ADGRL1: variants seen among roughly 807,000 people sequenced by gnomAD.
The protein encoded by ADGRL1 is adhesion G protein-coupled receptor L1.
In ADGRL1, 31 loss-of-function variants were observed where a neutral mutation model predicts 148.9. That is an observed-to-expected ratio of 0.21 (90% CI 0.16 to 0.28). The LOEUF (loss-of-function observed/expected upper bound fraction) is 0.28, where lower values mean the gene tolerates loss of function less well. Among genes scored for constraint, ADGRL1 ranks in the 10% least tolerant of loss-of-function variants. The pLI is 1.00. For synonymous variants in ADGRL1, 937 were observed against 900.3 expected, an observed-to-expected ratio of 1.04 and a Z score of -0.73; for missense variants, 1,521 against 2,058.8, an observed-to-expected ratio of 0.74 and a Z score of 5.05.
At position 14,201,017 on chromosome 19, in the gene ADGRL1, A is replaced by G. The variant is rs376287181; in HGVS notation, c.-96+4968T>C. Among the ~76,000 whole-genome samples the G allele has an allele frequency of 9.9e-5, 15 of 152,204 alleles. No individual in the cohort carries two copies. In the East Asian group the frequency reaches 1.7e-3, roughly 18 times the overall value. ...TCTGGAGACTTTCTGAGGTGTTACG[A>G]CTGTGGGGCTGGAGGTGTCACTGAC... On this transcript the variant is annotated intron_variant, in intron 1 of 22. Coordinates refer to ENST00000361434, the MANE Select transcript of ADGRL1 (RefSeq NM_014921.5).
intron 2 of ADGRL1, 84 bp from the exon 3 acceptor site, chr19:14,177,828 T>C: frequency 7.9e-7 from 1 of 1,273,360 alleles, no homozygotes; most frequent in Non-Finnish European, 1.1e-6. Flanking sequence ...AAACACCACC[T>C]CTGGCTCGGC....
intron 18 of ADGRL1, among the ~76,000 whole-genome samples, chr19:14,153,150 C>T (rs1968384847): frequency 6.6e-6 from 1 of 152,222 alleles, no homozygotes; most frequent in Non-Finnish European, 1.5e-5. Context: ...TCTCCACCTC[C>T]TCTGACAGTT....
intron 1 of ADGRL1, among the ~76,000 whole-genome samples, chr19:14,187,667 G>A (rs1189748005): frequency 1.3e-5 from 2 of 148,604 alleles, no homozygotes; most frequent in South Asian, 2.1e-4. Flanking sequence ...GTGTTACCCC[G>A]CCGCCGCCAC....
Position 14,149,231 on chromosome 19 carries a change from T to C in ADGRL1, c.*1642A>G, listed in dbSNP as rs1967905411. On this transcript the variant is annotated 3_prime_UTR_variant, in exon 23 of 23. Coordinates refer to ENST00000361434, the MANE Select transcript of ADGRL1 (RefSeq NM_014921.5). ...AGCCTGGAGCTTCCGGGGTCTGGGATTTGGGGTCAAGCCGCCCAGAACATG... is the reference window on the plus strand; with the variant it reads ...AGCCTGGAGCTTCCGGGGTCTGGGACTTGGGGTCAAGCCGCCCAGAACATG... 1 of 152,140 alleles carries C rather than the reference T, an allele frequency of 6.6e-6. No individual in the cohort carries two copies. Among genetic ancestry groups the C allele is most frequent in the Non-Finnish European group, 1.5e-5 (1 of 68,072 alleles). The allele number at this position is 152,140 out of a possible 1,614,324, so 9.4% of individuals were successfully genotyped here.
rs1332702427 is a variant in ADGRL1 at position 14,162,990 on chromosome 19, C to T, written c.811G>A (p.Gly271Arg). 13 of 1,613,864 alleles carry T rather than the reference C, an allele frequency of 8.1e-6. No individual in the cohort carries two copies. The highest frequency in any genetic ancestry group is 1.1e-5 in the Non-Finnish European group (13 of 1,179,998). ...TCAGTGGCGTAGATGACCCACAGCC[C>T]GTTCTCGTCCACCGCCAGGTCAATG... ...TDIDLAVDEN[G>R]LWVIYATEGN... The change falls in exon 5 of 23, where the codon GGG becomes AGG. Residue 271 changes from glycine to arginine, a missense_variant. Transcript: ENST00000361434. The surrounding 1 kb of genome is among the most constrained non-coding windows in gnomAD (Gnocchi z 5.4).
In ADGRL1 at chr19:14,150,820, C is replaced by A; in HGVS notation, c.*53G>T. 1.3e-6 allele frequency: 2 copies of A among 1,579,074 alleles called. No individual in the cohort carries two copies. Among genetic ancestry groups the A allele is most frequent in the South Asian group, 1.2e-5 (1 of 86,634 alleles). On this transcript the variant is annotated 3_prime_UTR_variant, in exon 23 of 23. Transcript: ENST00000361434. ...GTCTCCCTCTCCCACCAGAGCCCTGCCCAGGGTTCCCTCCCTGGCCTGGGC... is the reference window on the plus strand; with the variant it reads ...GTCTCCCTCTCCCACCAGAGCCCTGACCAGGGTTCCCTCCCTGGCCTGGGC...
At chr19:14,163,821 G>A (rs12463215) in intron 4 of ADGRL1, among the ~76,000 whole-genome samples, 2 of 151,890 alleles carry the variant, frequency 1.3e-5, no homozygotes, top group Admixed American at 6.5e-5. Context: ...GAATCTCCCC[G>A]CTACAGTCAC....
chr19:14,161,248 A>C lies in ADGRL1; in HGVS notation c.1510+64T>G. The C allele has an allele frequency of 7.0e-7, 1 of 1,427,476 alleles. No homozygotes were observed. Among genetic ancestry groups the C allele is most frequent in the South Asian group, 1.4e-5 (1 of 70,826 alleles). The allele number at this position is 1,427,476 out of a possible 1,614,324, so 88.4% of individuals were successfully genotyped here. A position where few individuals can be genotyped will look rare whatever the true frequency, so the allele number is the denominator to read the frequency against. ...AGTAGAGACCCCCACCCACACATGC[A>C]TCTGTGCTAAGCTGCTGGGGGCATG... On this transcript the variant is annotated intron_variant, in intron 6 of 22. Transcript: ENST00000361434. The surrounding 1 kb of genome is among the most constrained non-coding windows in gnomAD (Gnocchi z 4.4).
intron 1 of ADGRL1, among the ~76,000 whole-genome samples, chr19:14,187,222 C>T (rs1268946292): frequency 2.0e-5 from 3 of 152,106 alleles, no homozygotes; most frequent in African/African-American, 7.2e-5. Flanking sequence ...GCCTGTAATC[C>T]CAGCTACTCG....
chr19:14,180,116 T>C (rs541272813), intron 2 of ADGRL1, among the ~76,000 whole-genome samples: 2 of 152,272 alleles, frequency 1.3e-5, no homozygotes, highest in East Asian at 3.9e-4. Flanking sequence ...GGAGCCTCTA[T>C]GGTTGGCAGT....
At chr19:14,158,178 A>C (rs1040663345) in intron 12 of ADGRL1, 126 bp from the exon 13 acceptor site, 2 of 1,247,162 alleles carry the variant, frequency 1.6e-6, no homozygotes, top group Non-Finnish European at 2.3e-6. Flanking sequence ...CTGGGGCTCC[A>C]GTTGACATTC....
chr19:14,189,176 T>G (rs868498307), intron 1 of ADGRL1, among the ~76,000 whole-genome samples: 17 of 151,864 alleles, frequency 1.1e-4, no homozygotes, highest in African/African-American at 3.9e-4. Context: ...TTACCTATTC[T>G]AGACATTTCA....
rs547657413 is a variant in ADGRL1, at chr19:14,158,994, C to T, written c.2149+96G>A. Reference sequence around the variant, plus strand: ...CACTAGCATGAGAAAAGGTCAGCACCGCTGCCCTCTACAAATGGCACAGAG... The same window carrying T: ...CACTAGCATGAGAAAAGGTCAGCACTGCTGCCCTCTACAAATGGCACAGAG... On this transcript the variant is annotated intron_variant, in intron 11 of 22. Transcript: ENST00000361434. 6.6e-4 allele frequency: 973 copies of T among 1,468,622 alleles called. 13 individuals carry two copies. The South Asian group carries it at 0.011, about 16-fold the overall frequency. 91.0% of individuals were successfully genotyped at this position (1,468,622 alleles called of 1,614,324 possible).
At chr19:14,153,904 T>C (rs1403961789) in intron 18 of ADGRL1, among the ~76,000 whole-genome samples, 3 of 151,284 alleles carry the variant, frequency 2.0e-5, no homozygotes, top group Non-Finnish European at 2.9e-5. Context: ...ATCGCGCCAT[T>C]GCACTCTAGC....
rs976376777 is a variant in ADGRL1, at chr19:14,155,969, A to C, written c.3125+141T>G. ...AGTAGGTACATAGTGAACACAATAG[A>C]ACACCCCTGTTGGTACTTAAAATTG... On this transcript the variant is annotated intron_variant, in intron 17 of 22. Coordinates refer to ENST00000361434, the MANE Select transcript of ADGRL1 (RefSeq NM_014921.5). The surrounding 1 kb of genome is among the most constrained non-coding windows in gnomAD (Gnocchi z 5.0). 3.0e-6 allele frequency: 2 copies of C among 666,264 alleles called. No homozygotes were observed. The highest frequency in any genetic ancestry group is 2.7e-5 in the East Asian group (1 of 36,742). The allele number at this position is 666,264 out of a possible 1,614,324, so 41.3% of individuals were successfully genotyped here.
In ADGRL1 at chr19:14,148,621, C is replaced by T. The variant is rs190172662; in HGVS notation, c.*2252G>A. On this transcript the variant is annotated 3_prime_UTR_variant, in exon 23 of 23. Transcript: ENST00000361434. ...CCATGGAACTGTCCCTTGCCCTCCT[C>T]AGAGTCGTCTGGCAAGACTGTCCCT... 2 of 152,896 alleles carry T rather than the reference C, an allele frequency of 1.3e-5. No individual in the cohort carries two copies. The highest frequency in any genetic ancestry group is 3.9e-4 in the East Asian group (2 of 5,180). The allele number at this position is 152,896 out of a possible 1,614,324, so 9.5% of individuals were successfully genotyped here.
At chr19:14,202,756 C>G (rs1263018213) in intron 1 of ADGRL1, among the ~76,000 whole-genome samples, 2 of 152,166 alleles carry the variant, frequency 1.3e-5, no homozygotes, top group African/African-American at 4.8e-5. Flanking sequence ...AAGATGCAGA[C>G]AGCCCCATGT....
chr19:14,173,001 C>G (rs769652048), intron 3 of ADGRL1, among the ~76,000 whole-genome samples: 1 of 152,084 alleles, frequency 6.6e-6, no homozygotes, highest in African/African-American at 2.4e-5. Context: ...GCTCTGTCAC[C>G]GAGGCTGGAG....
chr19:14,168,658 C>G (rs528498557), intron 4 of ADGRL1: 1 of 152,204 alleles, frequency 6.6e-6, no homozygotes, highest in African/African-American at 2.4e-5. Flanking sequence ...TGACCTGAGC[C>G]TCTCGTCTAC....
Sources: gnomAD v4.1 joint callset for allele counts (sites outside exome capture counted in the v4.1 genomes callset) on GRCh38, gnomAD v4.1.1 for gene constraint, Gnocchi (gnomAD v3.1) non-coding constraint, MANE v1.5 for transcripts, NCBI Gene and HGNC (gene_info 2026-07-23, HGNC 2026-07-21) for gene names.